POLR3B: variants seen among roughly 807,000 people sequenced by gnomAD.
POLR3B encodes the protein RNA polymerase III subunit B.
Under a neutral mutation model 147.4 loss-of-function variants are expected in POLR3B, and 96 were observed. The observed-to-expected ratio is 0.65, with a 90% CI of 0.55 to 0.77. The LOEUF (loss-of-function observed/expected upper bound fraction) is 0.77, where lower values mean the gene tolerates loss of function less well. Among genes scored for constraint, POLR3B ranks in the 30% least tolerant of loss-of-function variants. The pLI, the probability that POLR3B is intolerant of heterozygous loss-of-function variation, is 0.00. For missense variants in POLR3B, 1,036 were observed against 1,413.5 expected (o/e 0.73, Z 4.28); for synonymous variants, 461 against 485.9 (o/e 0.95, Z 0.67).
intron 12 of POLR3B, among the ~76,000 whole-genome samples, chr12:106,416,838 A>G (rs996637070): frequency 2.0e-5 from 3 of 152,042 alleles, no homozygotes; most frequent in African/African-American, 4.8e-5. Context: ...TGCCAAAGTG[A>G]GGCACTTACA....
chr12:106,494,757 A>G (rs1204772569), intron 23 of POLR3B, among the ~76,000 whole-genome samples: 1 of 152,218 alleles, frequency 6.6e-6, no homozygotes, highest in Non-Finnish European at 1.5e-5. Flanking sequence ...TTCTTCATGT[A>G]GGAAAGCATA....
intron 1 of POLR3B, 143 bp downstream of exon 1, chr12:106,358,094 T>C: frequency 1.3e-6 from 2 of 1,519,678 alleles, no homozygotes; most frequent in South Asian, 2.4e-5. Context: ...AGCGTCGCGC[T>C]TGCGAGTCTT....
chr12:106,427,469 G>A (rs904967389), intron 13 of POLR3B, 111 bp downstream of exon 13: 12 of 998,146 alleles, frequency 1.2e-5, no homozygotes, highest in South Asian at 5.5e-5. Flanking sequence ...ATATCAAAAC[G>A]AATGTTTACA....
intron 19 of POLR3B, among the ~76,000 whole-genome samples, chr12:106,449,826 T>A (rs1035680300): frequency 1.3e-5 from 2 of 152,268 alleles, no homozygotes; most frequent in South Asian, 4.1e-4. Context: ...ATCCTTTGTG[T>A]CTAGCATAGT....
intron 24 of POLR3B, 115 bp from the exon 25 acceptor site, chr12:106,496,637 A>C: frequency 1.1e-6 from 1 of 894,980 alleles, no homozygotes; most frequent in Non-Finnish European, 1.8e-6. Flanking sequence ...TACTGCTTCT[A>C]TTAATTTATT....
intron 1 of POLR3B, chr12:106,358,199 A>G (rs1414623302): frequency 2.1e-6 from 3 of 1,421,560 alleles, no homozygotes; most frequent in East Asian, 2.6e-5. Flanking sequence ...TGCTGGCTCT[A>G]GGGTTGGAGC....
At chr12:106,389,402 T>C (rs1023857066) in intron 9 of POLR3B, among the ~76,000 whole-genome samples, 10 of 152,210 alleles carry the variant, frequency 6.6e-5, no homozygotes, top group African/African-American at 2.4e-4. Flanking sequence ...CTTAGAAATA[T>C]TTGGAAGGCC....
intron 19 of POLR3B, among the ~76,000 whole-genome samples, chr12:106,448,599 G>A (rs937158182): frequency 2.6e-5 from 4 of 151,212 alleles, no homozygotes; most frequent in Admixed American, 1.3e-4. Flanking sequence ...ACTATGCCCA[G>A]CTAATTTTTT....
intron 9 of POLR3B, among the ~76,000 whole-genome samples, chr12:106,384,983 G>A (rs1032732264): frequency 4.0e-5 from 6 of 151,844 alleles, no homozygotes; most frequent in Admixed American, 6.6e-5. Flanking sequence ...CCTCCACCAC[G>A]CCCAGCTAAT....
chr12:106,457,265 A>C lies in POLR3B; in HGVS notation c.2421A>C (p.Glu807Asp). Residue 807 changes from glutamate to aspartate, a missense_variant, in exon 21 of 28, where the codon GAA (glutamate) becomes GAC (aspartate). By Grantham distance (45) the Glu-to-Asp change is conservative (BLOSUM62 2). This residue lies in a region of POLR3B where 202 missense variants were observed against 272.8 expected (regional missense o/e 0.74). Coordinates refer to ENST00000228347, the MANE Select transcript of POLR3B (RefSeq NM_018082.6). The part of the protein sequence containing the change: ...AATRKPIWRH[E>D]ILDADGICSP... ...CAAGGAAACCTATCTGGCGACATGAAATCTTAGATGCAGATGGTATTTGTT... is the reference window on the plus strand; with the variant it reads ...CAAGGAAACCTATCTGGCGACATGACATCTTAGATGCAGATGGTATTTGTT... 6.2e-7 allele frequency: 1 copy of C among 1,613,886 alleles called. No homozygotes were observed. Among genetic ancestry groups the C allele is most frequent in the Non-Finnish European group, 8.5e-7 (1 of 1,179,804 alleles).
chr12:106,382,775 C>G (rs1055655486), intron 9 of POLR3B, among the ~76,000 whole-genome samples: 7 of 152,248 alleles, frequency 4.6e-5, no homozygotes, highest in Admixed American at 2.0e-4. Flanking sequence ...TAGCATAATT[C>G]TTAAGGGCCT....
chr12:106,406,338 C>T (rs772702262), intron 11 of POLR3B, among the ~76,000 whole-genome samples: 6 of 152,112 alleles, frequency 3.9e-5, no homozygotes, highest in South Asian at 2.1e-4. Flanking sequence ...GTGCCTTGCC[C>T]GTACATATTT....
intron 23 of POLR3B, among the ~76,000 whole-genome samples, chr12:106,475,870 A>T (rs1269545594): frequency 2.1e-3 from 324 of 151,558 alleles, no homozygotes; most frequent in African/African-American, 7.3e-3. Context: ...ATTTACATTT[A>T]AAGTTAATAG....
intron 15 of POLR3B, among the ~76,000 whole-genome samples, chr12:106,433,177 A>C (rs1483242370): frequency 6.6e-6 from 1 of 152,124 alleles, no homozygotes; most frequent in Non-Finnish European, 1.5e-5. Context: ...CTGTTAACTG[A>C]CTGCCTAGTT....
chr12:106,470,553 A>G (rs940672816), intron 23 of POLR3B, among the ~76,000 whole-genome samples: 1 of 152,108 alleles, frequency 6.6e-6, no homozygotes, highest in African/African-American at 2.4e-5. Context: ...TGGAATTTTC[A>G]GCCTTTCTGC....
intron 1 of POLR3B, among the ~76,000 whole-genome samples, chr12:106,360,635 C>T (rs2036457136): frequency 6.6e-6 from 1 of 152,174 alleles, no homozygotes; most frequent in Non-Finnish European, 1.5e-5. Context: ...ACTGGCCATG[C>T]CTGGTGTGTA....
intron 22 of POLR3B, 115 bp from the exon 23 acceptor site, chr12:106,463,363 A>G (rs2037965100): frequency 1.1e-6 from 1 of 908,350 alleles, no homozygotes; most frequent in Admixed American, 2.3e-5. Context: ...TTCAGAGCCC[A>G]AGATGAAAAT....
intron 23 of POLR3B, 117 bp from the exon 24 acceptor site, chr12:106,495,938 T>C (rs1335200566): frequency 3.9e-6 from 3 of 773,976 alleles, no homozygotes; most frequent in Admixed American, 3.4e-5. Flanking sequence ...ATAGAGGCCA[T>C]GGGGAAGATT....
intron 12 of POLR3B, among the ~76,000 whole-genome samples, chr12:106,422,407 C>T (rs1183768122): frequency 6.6e-6 from 1 of 152,206 alleles, no homozygotes; most frequent in East Asian, 1.9e-4. Context: ...TCCTATACAG[C>T]CTGAAGAACC....
Sources: allele counts gnomAD v4.1 joint callset (sites outside exome capture counted in the v4.1 genomes callset), GRCh38; gene constraint gnomAD v4.1.1; regional missense constraint gnomAD v4.1.1; transcripts MANE v1.5; gene names NCBI Gene and HGNC (gene_info 2026-07-23, HGNC 2026-07-21).